Variants in PIP5K1C observed in about 807,000 individuals in gnomAD.
PIP5K1C encodes phosphatidylinositol-4-phosphate 5-kinase type 1 gamma, also known as phosphatidylinositol 4-phosphate 5-kinase type-1 gamma.
In PIP5K1C, 45 loss-of-function variants were observed where a neutral mutation model predicts 80.1. The ratio of observed to expected loss-of-function variants is 0.56; its 90% CI spans 0.44 to 0.72. PIP5K1C has a LOEUF of 0.72. Ranked by LOEUF, PIP5K1C falls within the 30% of genes least tolerant of loss-of-function variation. The probability of loss-of-function intolerance (pLI) is 0.00; values close to 1 mark genes in which losing one functional copy is unlikely to be tolerated. For missense variants in PIP5K1C, 753 were observed against 954.6 expected, an observed-to-expected ratio of 0.79 and a Z score of 2.78; for synonymous variants, 498 against 420.1, an observed-to-expected ratio of 1.19 and a Z score of -2.27.
In PIP5K1C at chr19:3,700,465, C is replaced by T. The variant is rs915789428; in HGVS notation, c.-75G>A. Reference sequence around the variant, plus strand: ...ACCGCCGCCGCCGAACAACAAGCGCCGCCGGCCAAGGGAGGGCGCGCCGGG... The same window carrying T: ...ACCGCCGCCGCCGAACAACAAGCGCTGCCGGCCAAGGGAGGGCGCGCCGGG... On this transcript the variant is annotated 5_prime_UTR_variant, in exon 1 of 18. Coordinates refer to ENST00000335312, the MANE Select transcript of PIP5K1C (RefSeq NM_012398.3). 13 of 837,896 alleles carry T rather than the reference C, an allele frequency of 1.6e-5. No homozygotes were observed. Among genetic ancestry groups the T allele is most frequent in the Non-Finnish European group, 1.9e-5 (13 of 691,966 alleles). 51.9% of individuals were successfully genotyped at this position (837,896 alleles called of 1,614,324 possible). A position where few individuals can be genotyped will look rare whatever the true frequency, so the allele number is the denominator to read the frequency against.
chr19:3,696,744 A>AGGAG lies in PIP5K1C; in HGVS notation c.94+3552_94+3553insCTCC, dbSNP rs1568366051. Among the ~76,000 whole-genome samples, 1 of 17,960 alleles carries AGGAG rather than the reference A, an allele frequency of 5.6e-5. No individual in the cohort carries two copies. The highest frequency in any genetic ancestry group is 2.1e-4 in the African/African-American group (1 of 4,742). The allele number at this position is 17,960 out of a possible 152,430, so 11.8% of individuals were successfully genotyped here. The stretch of plus-strand genomic sequence containing the variant: ...GAGGGCAGAGTGCGGAGGGGAGGGC[A>AGGAG]GGGAGGGCAGGGAGGGCCCGGGGCA... On this transcript the variant is annotated intron_variant, in intron 1 of 17. Coordinates refer to ENST00000335312, the MANE Select transcript of PIP5K1C (RefSeq NM_012398.3). The surrounding 1 kb of genome is among the most constrained non-coding windows in gnomAD (Gnocchi z 4.1).
chr19:3,650,209 G>T (rs1385675812), intron 8 of PIP5K1C, among the ~76,000 whole-genome samples: 1 of 152,188 alleles, frequency 6.6e-6, no homozygotes, highest in Admixed American at 6.5e-5. Flanking sequence ...ACCGTCCCTG[G>T]GGCCAGGCCA....
In PIP5K1C at chr19:3,672,820, G is replaced by A. The variant is rs151239883; in HGVS notation, c.95-5467C>T. ...TGACAGCAGGCAGGACAGGAACAGT[G>A]GTGGCCTCATCCCTGTAGAACCAAG... On this transcript the variant is annotated intron_variant, in intron 1 of 17. Coordinates refer to ENST00000335312, the MANE Select transcript of PIP5K1C (RefSeq NM_012398.3). Among the ~76,000 whole-genome samples, 226 of 152,268 alleles carry A rather than the reference G, an allele frequency of 1.5e-3. 3 individuals carry two copies. The highest frequency in any genetic ancestry group is 0.011 in the Admixed American group (161 of 15,300).
At chr19:3,678,298 A>G (rs1462857475) in intron 1 of PIP5K1C, among the ~76,000 whole-genome samples, 2 of 108,174 alleles carry the variant, frequency 1.8e-5, no homozygotes, top group African/African-American at 7.2e-5. Flanking sequence ...GGATGGAGGG[A>G]TGGAGGGACG....
At chr19:3,677,044 G>A (rs1481706883) in intron 1 of PIP5K1C, among the ~76,000 whole-genome samples, 2 of 152,140 alleles carry the variant, frequency 1.3e-5, no homozygotes, top group Non-Finnish European at 2.9e-5. Context: ...TGAGGCTGCA[G>A]TGAGCTATGA....
intron 1 of PIP5K1C, among the ~76,000 whole-genome samples, chr19:3,675,283 A>G (rs1405423182): frequency 6.6e-6 from 1 of 152,192 alleles, no homozygotes; most frequent in Non-Finnish European, 1.5e-5. Context: ...GAAGATGCAG[A>G]TCCCTTTAGT....
intron 1 of PIP5K1C, among the ~76,000 whole-genome samples, chr19:3,677,357 C>T (rs961749813): frequency 5.9e-5 from 9 of 151,994 alleles, no homozygotes; most frequent in South Asian, 2.1e-4. Flanking sequence ...CCGAGGCAGG[C>T]GGGTCACTTG....
chr19:3,667,891 C>T lies in PIP5K1C; in HGVS notation c.95-538G>A, dbSNP rs563425610. Reference sequence around the variant, plus strand: ...GAGGGGGGGCAGGCCCCCGCTGGGGCGAGGGCAGGCTGGAGTTGCAGGGAG... The same window carrying T: ...GAGGGGGGGCAGGCCCCCGCTGGGGTGAGGGCAGGCTGGAGTTGCAGGGAG... On this transcript the variant is annotated intron_variant, in intron 1 of 17. Coordinates refer to ENST00000335312, the MANE Select transcript of PIP5K1C (RefSeq NM_012398.3). Among the ~76,000 whole-genome samples the T allele has an allele frequency of 8.5e-5, 13 of 152,298 alleles. No homozygotes were observed. In the South Asian group the frequency reaches 1.2e-3, roughly 15 times the overall value.
At chr19:3,674,934 AC>A (rs1332384405) in intron 1 of PIP5K1C, among the ~76,000 whole-genome samples, 4 of 152,326 alleles carry the variant, frequency 2.6e-5, no homozygotes, top group African/African-American at 9.6e-5. Context: ...TGAGGCTCTG[AC>A]GCAGGCCACA....
In PIP5K1C at chr19:3,632,755, C is replaced by T. The variant is rs563251356; in HGVS notation, c.*412G>A. The stretch of plus-strand genomic sequence containing the variant: ...CGGGGCTCAGGTCCCCAGAGGCCAC[C>T]GCGAACAGCCTGGCTTCTTCCTCAG... On this transcript the variant is annotated 3_prime_UTR_variant, in exon 18 of 18. Transcript: ENST00000335312. The T allele has an allele frequency of 2.9e-4, 52 of 178,174 alleles. No individual in the cohort carries two copies. The East Asian group carries it at 5.6e-3, about 19-fold the overall frequency. The allele number at this position is 178,174 out of a possible 1,614,324, so 11.0% of individuals were successfully genotyped here. A position where few individuals can be genotyped will look rare whatever the true frequency, so the allele number is the denominator to read the frequency against.
At chr19:3,662,678 G>A (rs914773325) in intron 3 of PIP5K1C, among the ~76,000 whole-genome samples, 2 of 152,094 alleles carry the variant, frequency 1.3e-5, no homozygotes, top group African/African-American at 2.4e-5. Context: ...TGATTCTCCT[G>A]CCTCAGCTTC....
Position 3,645,975 on chromosome 19 carries a change from G to A in PIP5K1C, c.1344C>T (p.Ser448=). ...CCTTGCGGGGCTCAGGTGGCTTACAGGAGTTCTTCCGAAAGACCGTGTTGC... is the reference window on the plus strand; with the variant it reads ...CCTTGCGGGGCTCAGGTGGCTTACAAGAGTTCTTCCGAAAGACCGTGTTGC... ...FMSNTVFRKN[S]SLKSSPSKKG... is the part of the protein sequence containing the mutation. Residue 448 remains serine (S), a splice_region_variant and synonymous_variant, in exon 11 of 18, where the codon TCC becomes TCT. Transcript: ENST00000335312. 1 of 1,612,846 alleles carries A rather than the reference G, an allele frequency of 6.2e-7. No homozygotes were observed. The highest frequency in any genetic ancestry group is 1.7e-5 in the Admixed American group (1 of 60,030).
intron 2 of PIP5K1C, among the ~76,000 whole-genome samples, chr19:3,666,235 T>G (rs1481281723): frequency 2.0e-5 from 3 of 152,156 alleles, no homozygotes; most frequent in African/African-American, 7.2e-5. Flanking sequence ...CTCCTGTGAA[T>G]GGGGCTCATG....
intron 1 of PIP5K1C, among the ~76,000 whole-genome samples, chr19:3,675,507 A>G (rs912867463): frequency 6.6e-6 from 1 of 152,142 alleles, no homozygotes; most frequent in Non-Finnish European, 1.5e-5. Flanking sequence ...TCATGGACCA[A>G]GGCTTTTGTG....
chr19:3,662,089 C>A, intron 3 of PIP5K1C, 88 bp from the exon 4 acceptor site: 1 of 1,476,298 alleles, frequency 6.8e-7, no homozygotes, highest in South Asian at 1.2e-5. Flanking sequence ...GAGATCGTGA[C>A]CAGCTGCAGC....
intron 1 of PIP5K1C, among the ~76,000 whole-genome samples, chr19:3,668,764 G>A (rs1392201061): frequency 3.3e-5 from 5 of 152,172 alleles, no homozygotes; most frequent in Non-Finnish European, 5.9e-5. Context: ...GACAGGCGGG[G>A]TGCGGATCAG....
Position 3,637,169 on chromosome 19 carries a change from G to C in PIP5K1C, c.1920+1715C>G. On this transcript the variant is annotated intron_variant, in intron 16 of 17. Coordinates refer to ENST00000335312, the MANE Select transcript of PIP5K1C (RefSeq NM_012398.3). This position sits in a 1 kb window ranked among gnomAD's most constrained non-coding sequence, Gnocchi z 7.0. ...GGGCCACGGGCAGCCAGGTCTGCACGAGTGAGAAGCGTCCACCCAAGACAC... is the reference window on the plus strand; with the variant it reads ...GGGCCACGGGCAGCCAGGTCTGCACCAGTGAGAAGCGTCCACCCAAGACAC... 1.4e-6 allele frequency: 2 copies of C among 1,419,172 alleles called. No homozygotes were observed. The highest frequency in any genetic ancestry group is 1.4e-5 in the African/African-American group (1 of 69,398). The allele number at this position is 1,419,172 out of a possible 1,614,324, so 87.9% of individuals were successfully genotyped here.
intron 1 of PIP5K1C, 128 bp downstream of exon 1, chr19:3,700,169 C>G (rs954930765): frequency 2.4e-6 from 1 of 412,210 alleles, no homozygotes; most frequent in Non-Finnish European, 3.4e-6. Flanking sequence ...ACTGCCCCGC[C>G]CCAGGCTCCT....
At chr19:3,660,256 T>C (rs2034787265) in intron 5 of PIP5K1C, among the ~76,000 whole-genome samples, 1 of 151,988 alleles carries the variant, frequency 6.6e-6, no homozygotes, top group Non-Finnish European at 1.5e-5. Context: ...GGCAGGCACC[T>C]GTAGTCCCAG....
Sources: gnomAD v4.1 joint callset for allele counts (sites outside exome capture counted in the v4.1 genomes callset) on GRCh38, gnomAD v4.1.1 for gene constraint, Gnocchi (gnomAD v3.1) non-coding constraint, MANE v1.5 for transcripts, NCBI Gene and HGNC (gene_info 2026-07-23, HGNC 2026-07-21) for gene names.